The following MLIP variants were observed in gnomAD, a reference collection of about 807,000 sequenced individuals.
The protein encoded by MLIP is muscular LMNA interacting protein.
MLIP carries 79 observed loss-of-function variants against 84.8 expected under a neutral mutation model. That is an observed-to-expected ratio of 0.93 (90% CI 0.78 to 1.12). MLIP has a LOEUF of 1.12. Among genes scored for constraint, MLIP ranks in the 50% most tolerant of loss-of-function variants. MLIP has a pLI of 0.00. For missense variants in MLIP, 1,257 were observed against 1,160.6 expected (o/e 1.08, Z -1.21); for synonymous variants, 504 against 463.0 (o/e 1.09, Z -1.14).
chr6:54,213,078 A>G (rs1309298579), intron 11 of MLIP, among the ~76,000 whole-genome samples: 2 of 152,160 alleles, frequency 1.3e-5, no homozygotes. Context: ...TATTTCATTC[A>G]TGTGTTTCAT....
At chr6:54,119,767 A>T (rs1770272309) in intron 1 of MLIP, among the ~76,000 whole-genome samples, 1 of 152,218 alleles carries the variant, frequency 6.6e-6, no homozygotes, top group South Asian at 2.1e-4. Context: ...CTATTCCAAG[A>T]GTATATATAT....
At chr6:54,164,084 T>G (rs755313524) in intron 8 of MLIP, among the ~76,000 whole-genome samples, 4 of 151,968 alleles carry the variant, frequency 2.6e-5, no homozygotes, top group Non-Finnish European at 5.9e-5. Context: ...TTTTAAAACT[T>G]TATGTATGAT....
chr6:54,042,551 G>T (rs897479906), intron 1 of MLIP, among the ~76,000 whole-genome samples: 1 of 152,126 alleles, frequency 6.6e-6, no homozygotes, highest in Non-Finnish European at 1.5e-5. Context: ...TCACAGTCTA[G>T]TTAGGATAAA....
chr6:54,235,625 T>A (rs1035757433), intron 12 of MLIP, among the ~76,000 whole-genome samples: 13 of 152,206 alleles, frequency 8.5e-5, no homozygotes, highest in Non-Finnish European at 1.6e-4. Context: ...ACTACCTAAC[T>A]TTTTCACTAG....
chr6:54,129,216 C>T (rs1771179244), intron 3 of MLIP, among the ~76,000 whole-genome samples: 1 of 152,022 alleles, frequency 6.6e-6, no homozygotes, highest in African/African-American at 2.4e-5. Flanking sequence ...TCCATATACC[C>T]CCAGGCCTCA....
intron 12 of MLIP, among the ~76,000 whole-genome samples, chr6:54,254,129 G>GTTTT (rs68110508): frequency 1.0e-4 from 13 of 129,566 alleles, no homozygotes; most frequent in African/African-American, 3.4e-4. Context: ...TTTTTTTGCT[G>GTTTT]TTTTTTTTTT....
intron 3 of MLIP, 141 bp downstream of exon 3, chr6:54,125,006 G>A: frequency 1.6e-5 from 10 of 631,594 alleles, no homozygotes; most frequent in South Asian, 4.3e-5. Flanking sequence ...ATTATCTCAG[G>A]GTAATAAATC....
chr6:54,202,467 G>GT (rs200419162), intron 11 of MLIP, among the ~76,000 whole-genome samples: 12,116 of 140,684 alleles, frequency 0.086, 622 homozygotes, highest in East Asian at 0.21. Flanking sequence ...ATTTTAATGT[G>GT]TTTTTTTTTT....
intron 11 of MLIP, among the ~76,000 whole-genome samples, chr6:54,212,747 C>T (rs1562064501): frequency 6.6e-6 from 1 of 151,984 alleles, no homozygotes; most frequent in Non-Finnish European, 1.5e-5. Flanking sequence ...TTTCCTTTGC[C>T]TTAAATTAAA....
chr6:54,174,152 G>C (rs993591797), intron 9 of MLIP, among the ~76,000 whole-genome samples: 1 of 151,920 alleles, frequency 6.6e-6, no homozygotes, highest in Non-Finnish European at 1.5e-5. Flanking sequence ...AGGACACTTA[G>C]GTTGCTTCTA....
chr6:54,115,617 A>G (rs1769847655), intron 1 of MLIP, among the ~76,000 whole-genome samples: 1 of 152,196 alleles, frequency 6.6e-6, no homozygotes, highest in Non-Finnish European at 1.5e-5. Flanking sequence ...GGTATTATAC[A>G]AAGCATTGGG....
intron 1 of MLIP, among the ~76,000 whole-genome samples, chr6:54,094,442 A>G (rs904395272): frequency 2.0e-5 from 3 of 152,198 alleles, no homozygotes; most frequent in Admixed American, 2.0e-4. Flanking sequence ...ATATTTGCAG[A>G]GTATTCACAA....
intron 9 of MLIP, among the ~76,000 whole-genome samples, chr6:54,178,337 CA>C (rs1776511567): frequency 6.6e-6 from 1 of 151,824 alleles, no homozygotes; most frequent in African/African-American, 2.4e-5. Context: ...AAAGATTTGT[CA>C]ATTTTCTTTC....
chr6:54,262,712 T>G (rs914852676), intron 13 of MLIP, among the ~76,000 whole-genome samples: 6 of 152,024 alleles, frequency 3.9e-5, no homozygotes, highest in African/African-American at 1.4e-4. Context: ...GGCCCACCTG[T>G]TTTCAAAAGA....
chr6:54,026,818 T>C (rs1478047068), intron 1 of MLIP, among the ~76,000 whole-genome samples: 2 of 152,070 alleles, frequency 1.3e-5, no homozygotes, highest in African/African-American at 4.8e-5. Context: ...GTGAGGAGCA[T>C]GTTAGATCTG....
At chr6:54,078,806 C>T (rs1277873346) in intron 1 of MLIP, among the ~76,000 whole-genome samples, 1 of 151,386 alleles carries the variant, frequency 6.6e-6, no homozygotes, top group Non-Finnish European at 1.5e-5. Flanking sequence ...ATTCTCCTAC[C>T]TCAGCCTCCC....
chr6:54,254,560 A>C (rs1025430006), intron 12 of MLIP, among the ~76,000 whole-genome samples: 4 of 152,056 alleles, frequency 2.6e-5, no homozygotes, highest in Admixed American at 6.6e-5. Context: ...CAGAGGTTTT[A>C]GCATTCAACA....
At chr6:54,036,984 G>A (rs914318524) in intron 1 of MLIP, among the ~76,000 whole-genome samples, 3 of 152,086 alleles carry the variant, frequency 2.0e-5, no homozygotes, top group South Asian at 2.1e-4. Context: ...GACAATGGCA[G>A]GACTTAAAAA....
At chr6:54,220,484 T>C (rs904615147) in intron 11 of MLIP, among the ~76,000 whole-genome samples, 6 of 152,166 alleles carry the variant, frequency 3.9e-5, no homozygotes, top group African/African-American at 1.4e-4. Flanking sequence ...TATTGCAGAA[T>C]AATAACAATA....
Sources: gnomAD v4.1 joint callset for allele counts (sites outside exome capture counted in the v4.1 genomes callset) on GRCh38, gnomAD v4.1.1 for gene constraint, MANE v1.5 for transcripts, NCBI Gene and HGNC (gene_info 2026-07-23, HGNC 2026-07-21) for gene names.